ZNF148: variants seen among roughly 807,000 people sequenced by gnomAD.
ZNF148 encodes zinc finger protein 148, also known as Beta-Enolase Repressor Factor-1.
Under a neutral mutation model 67.7 loss-of-function variants are expected in ZNF148, and 7 were observed. That is an observed-to-expected ratio of 0.10 (90% CI 0.06 to 0.19). The LOEUF (loss-of-function observed/expected upper bound fraction) is 0.19. ZNF148 is among the 10% of genes least tolerant of loss of function. The pLI is 1.00. For missense variants in ZNF148, 583 were observed against 947.1 expected, an observed-to-expected ratio of 0.62 and a Z score of 5.05; for synonymous variants, 333 against 330.7, an observed-to-expected ratio of 1.01 and a Z score of -0.08.
chr3:125,279,580 C>A (rs1938265690), intron 5 of ZNF148, among the ~76,000 whole-genome samples: 1 of 151,930 alleles, frequency 6.6e-6, no homozygotes, highest in Non-Finnish European at 1.5e-5. Flanking sequence ...ATTTCAAATT[C>A]TCATATATGC....
chr3:125,283,202 C>T (rs1305538036), intron 5 of ZNF148, among the ~76,000 whole-genome samples: 2 of 152,084 alleles, frequency 1.3e-5, no homozygotes, highest in East Asian at 1.9e-4. Flanking sequence ...ATACCCATCA[C>T]GGCAACTTGA....
At chr3:125,256,724 G>C (rs192171971) in intron 7 of ZNF148, among the ~76,000 whole-genome samples, 94 of 152,146 alleles carry the variant, frequency 6.2e-4, no homozygotes, top group African/African-American at 2.2e-3. Flanking sequence ...AATGCTCTAA[G>C]ACATCCATTC....
rs771836117 is a variant in ZNF148 at position 125,265,780 on chromosome 3, T to G, written c.667+11946A>C. On this transcript the variant is annotated intron_variant, in intron 7 of 8. Transcript: ENST00000360647. Reference sequence around the variant, plus strand: ...ATTATGTAAGTACAATAGGCCCATATAGAATACTGTGTGTCTTCAAACAGC... The same window carrying G: ...ATTATGTAAGTACAATAGGCCCATAGAGAATACTGTGTGTCTTCAAACAGC... Among the ~76,000 whole-genome samples the G allele has an allele frequency of 2.0e-5, 3 of 152,328 alleles. No homozygotes were observed. In the East Asian group the frequency reaches 5.8e-4, roughly 29 times the overall value.
At chr3:125,364,403 G>A (rs976259268) in intron 1 of ZNF148, among the ~76,000 whole-genome samples, 4 of 151,860 alleles carry the variant, frequency 2.6e-5, no homozygotes, top group African/African-American at 9.7e-5. Flanking sequence ...AAAACAAACA[G>A]AACACCTCAG....
chr3:125,352,088 G>C (rs1942172611), intron 1 of ZNF148, among the ~76,000 whole-genome samples: 1 of 149,422 alleles, frequency 6.7e-6, no homozygotes, highest in African/African-American at 2.5e-5. Context: ...ATAAAAACTT[G>C]CACATGGACG....
chr3:125,280,677 C>T (rs1938330405), intron 5 of ZNF148, among the ~76,000 whole-genome samples: 1 of 55,376 alleles, frequency 1.8e-5, no homozygotes, highest in Non-Finnish European at 3.5e-5. Flanking sequence ...TAAAACCCAT[C>T]TCAAAAAAAA....
At chr3:125,339,268 C>T (rs552825736) in intron 1 of ZNF148, among the ~76,000 whole-genome samples, 11 of 152,254 alleles carry the variant, frequency 7.2e-5, no homozygotes, top group East Asian at 5.8e-4. Context: ...TGTAAAAGCA[C>T]GACAATTTAT....
At chr3:125,279,588 T>C (rs1250573486) in intron 5 of ZNF148, among the ~76,000 whole-genome samples, 1 of 152,086 alleles carries the variant, frequency 6.6e-6, no homozygotes, top group Non-Finnish European at 1.5e-5. Flanking sequence ...TTCTCATATA[T>C]GCAGGAAAAA....
chr3:125,373,268 T>A (rs1274379574), intron 1 of ZNF148, among the ~76,000 whole-genome samples: 1 of 151,218 alleles, frequency 6.6e-6, no homozygotes, highest in African/African-American at 2.4e-5. Flanking sequence ...TGGTGGGGTT[T>A]CACATAGTGA....
At chr3:125,371,675 AAGAATTGCCACAGAACCCT>A (rs1942891458) in intron 1 of ZNF148, among the ~76,000 whole-genome samples, 1 of 151,518 alleles carries the variant, frequency 6.6e-6, no homozygotes, top group African/African-American at 2.4e-5. Context: ...AAAAAAAAAA[AAGAATTGCCACAGAACCCT>A]AGAAAAAACA....
intron 5 of ZNF148, among the ~76,000 whole-genome samples, chr3:125,285,889 ATTATAAATGAGT>A (rs1244717526): frequency 2.0e-5 from 3 of 152,202 alleles, no homozygotes; most frequent in Non-Finnish European, 4.4e-5. Flanking sequence ...AAAATGATAC[ATTATAAATGAGT>A]TTATCGCAAA....
intron 4 of ZNF148, among the ~76,000 whole-genome samples, chr3:125,299,061 C>T (rs748558402): frequency 6.6e-6 from 1 of 152,146 alleles, no homozygotes; most frequent in Non-Finnish European, 1.5e-5. Flanking sequence ...AGTAGACAGA[C>T]ATTGGAAAGA....
intron 1 of ZNF148, among the ~76,000 whole-genome samples, chr3:125,354,755 A>G (rs2107766649): frequency 6.6e-6 from 1 of 152,342 alleles, no homozygotes; most frequent in Non-Finnish European, 1.5e-5. Context: ...TAAAAATTGT[A>G]TGTGGTCTTT....
At chr3:125,255,138 A>G (rs926114969) in intron 7 of ZNF148, among the ~76,000 whole-genome samples, 19 of 151,582 alleles carry the variant, frequency 1.3e-4, no homozygotes, top group Admixed American at 3.9e-4. Flanking sequence ...TTTTCAGACT[A>G]CAAATATTTT....
At chr3:125,291,281 A>G (rs554757521) in intron 4 of ZNF148, among the ~76,000 whole-genome samples, 1 of 152,290 alleles carries the variant, frequency 6.6e-6, no homozygotes, top group African/African-American at 2.4e-5. Flanking sequence ...AATGAATATA[A>G]AACTATTTCC....
Position 125,226,881 on chromosome 3 carries a change from A to G in ZNF148, c.*5460T>C, listed in dbSNP as rs926793593. Reference sequence around the variant, plus strand: ...AAATATCACAAATCTCTTTTTATTTAACACTGAAAATTTCAATGTGATAAG... The same window carrying G: ...AAATATCACAAATCTCTTTTTATTTGACACTGAAAATTTCAATGTGATAAG... On this transcript the variant is annotated 3_prime_UTR_variant, in exon 9 of 9. Coordinates refer to ENST00000360647, the MANE Select transcript of ZNF148 (RefSeq NM_021964.3). 12 of 152,172 alleles carry G rather than the reference A, an allele frequency of 7.9e-5. No individual in the cohort carries two copies. Among genetic ancestry groups the G allele is most frequent in the Admixed American group, 2.6e-4 (4 of 15,270 alleles). 9.4% of individuals were successfully genotyped at this position (152,172 alleles called of 1,614,324 possible). A position where few individuals can be genotyped will look rare whatever the true frequency, so the allele number is the denominator to read the frequency against.
In ZNF148 at chr3:125,279,114, C is replaced by G. The variant is rs745519072; in HGVS notation, c.583+10G>C. 6.3e-7 allele frequency: 1 copy of G among 1,585,328 alleles called. No homozygotes were observed. The stretch of plus-strand genomic sequence containing the variant: ...TAATGGCCACAAGCCCATTTTAATT[C>G]AAGAAATACCTGTATGAATGAAGAC... On this transcript the variant is annotated intron_variant, in intron 6 of 8. Coordinates refer to ENST00000360647, the MANE Select transcript of ZNF148 (RefSeq NM_021964.3).
chr3:125,297,413 A>T (rs962822824), intron 4 of ZNF148, among the ~76,000 whole-genome samples: 2 of 151,706 alleles, frequency 1.3e-5, no homozygotes, highest in Non-Finnish European at 2.9e-5. Context: ...GACACAAAAA[A>T]TACCAAAAGG....
At chr3:125,351,636 G>A (rs1199644597) in intron 1 of ZNF148, among the ~76,000 whole-genome samples, 2 of 152,104 alleles carry the variant, frequency 1.3e-5, no homozygotes, top group African/African-American at 4.8e-5. Flanking sequence ...AATTGGAGAA[G>A]ATATATGCAA....
Sources: allele counts gnomAD v4.1 joint callset (sites outside exome capture counted in the v4.1 genomes callset), GRCh38; gene constraint gnomAD v4.1.1; transcripts MANE v1.5; gene names NCBI Gene and HGNC (gene_info 2026-07-23, HGNC 2026-07-21).